INSC: variants seen among roughly 807,000 people sequenced by gnomAD.
The protein encoded by INSC is protein inscuteable homolog.
INSC carries 67 observed loss-of-function variants against 58.6 expected under a neutral mutation model. That is an observed-to-expected ratio of 1.14 (90% CI 0.94 to 1.40). The LOEUF is 1.40. Ranked by LOEUF, INSC falls within the 40% of genes most tolerant of loss-of-function variation. The pLI is 0.00. For missense variants in INSC, 714 were observed against 692.0 expected (o/e 1.03, Z -0.36); for synonymous variants, 262 against 276.1 (o/e 0.95, Z 0.51).
chr11:15,269,449 C>T, the INSC span, among the ~76,000 whole-genome samples: 2 of 151,954 alleles, frequency 1.3e-5, no homozygotes, highest in African/African-American at 4.8e-5. Context: ...CGCCATTTTC[C>T]AGAGGACAGT....
intron 1 of INSC, among the ~76,000 whole-genome samples, chr11:15,131,705 A>G (rs1848129528): frequency 6.6e-6 from 1 of 152,178 alleles, no homozygotes; most frequent in African/African-American, 2.4e-5. Flanking sequence ...ATTTTTATAT[A>G]GTGAATCTCT....
intron 2 of INSC, among the ~76,000 whole-genome samples, chr11:15,174,144 C>T (rs891268539): frequency 1.6e-4 from 25 of 151,850 alleles, no homozygotes; most frequent in African/African-American, 5.8e-4. Flanking sequence ...CTTGCTATTC[C>T]TTGCACATCT....
intron 1 of INSC, among the ~76,000 whole-genome samples, chr11:15,118,939 A>C (rs1314196165): frequency 6.6e-6 from 1 of 152,208 alleles, no homozygotes; most frequent in Non-Finnish European, 1.5e-5. Context: ...GACTATTTTA[A>C]ATATAAGGAA....
At chr11:15,149,857 A>G (rs1383818672) in intron 2 of INSC, among the ~76,000 whole-genome samples, 1 of 152,098 alleles carries the variant, frequency 6.6e-6, no homozygotes, top group Non-Finnish European at 1.5e-5. Flanking sequence ...CCCACTTGCA[A>G]CCTCTTCAGA....
intron 1 of INSC, among the ~76,000 whole-genome samples, chr11:15,116,690 G>T (rs1044514340): frequency 6.6e-6 from 1 of 152,032 alleles, no homozygotes; most frequent in Non-Finnish European, 1.5e-5. Context: ...TAGAAAGATG[G>T]TATTGAGCTT....
intron 9 of INSC, among the ~76,000 whole-genome samples, chr11:15,234,560 A>G (rs1489173478): frequency 2.6e-5 from 4 of 152,208 alleles, no homozygotes; most frequent in African/African-American, 9.6e-5. Flanking sequence ...GGGGGGACAC[A>G]GTTTTTGCTT....
At chr11:15,177,276 CAG>C in intron 4 of INSC, 113 bp downstream of exon 4, 1 of 811,134 alleles carries the variant, frequency 1.2e-6, no homozygotes, top group Middle Eastern at 3.2e-4. Flanking sequence ...GTGGTGGTTT[CAG>C]AGTTTCCTTT....
At chr11:15,165,720 G>A (rs991220764) in intron 2 of INSC, among the ~76,000 whole-genome samples, 5 of 152,296 alleles carry the variant, frequency 3.3e-5, no homozygotes, top group East Asian at 3.9e-4. Flanking sequence ...AGTCCAGAGA[G>A]CATGACATTC....
Position 15,241,152 on chromosome 11 carries a change from C to A in INSC, c.1470+629C>A, listed in dbSNP as rs141859905. 9.2e-4 allele frequency among the ~76,000 whole-genome samples: 140 copies of A among 152,226 alleles called. 1 individual carries two copies. Among genetic ancestry groups the A allele is most frequent in the African/African-American group, 3.3e-3 (137 of 41,554 alleles). On this transcript the variant is annotated intron_variant, in intron 12 of 12. Coordinates refer to ENST00000379556, the MANE Select transcript of INSC (RefSeq NM_001042536.3). ...AGTACCAGAGAGAAAATGCATGCTT[C>A]GTCTATATATTCTTCCCTACTAGGT...
At chr11:15,133,428 C>T (rs1236049104) in intron 1 of INSC, among the ~76,000 whole-genome samples, 5 of 152,168 alleles carry the variant, frequency 3.3e-5, no homozygotes, top group African/African-American at 9.7e-5. Context: ...TTTAAATTCT[C>T]TAATCAAGTC....
At chr11:15,126,300 A>G (rs1847993231) in intron 1 of INSC, among the ~76,000 whole-genome samples, 1 of 152,214 alleles carries the variant, frequency 6.6e-6, no homozygotes, top group Admixed American at 6.5e-5. Flanking sequence ...CAGCTCCTAG[A>G]TGCAATGGTG....
intron 6 of INSC, among the ~76,000 whole-genome samples, chr11:15,200,204 C>T (rs146609403): frequency 1.2e-3 from 174 of 149,874 alleles, no homozygotes; most frequent in African/African-American, 4.1e-3. Context: ...CAGGAGTAAA[C>T]GAGTGAAAAT....
chr11:15,218,155 T>A (rs777367559), intron 7 of INSC, among the ~76,000 whole-genome samples: 1 of 152,188 alleles, frequency 6.6e-6, no homozygotes, highest in East Asian at 1.9e-4. Context: ...GGAGAATGCA[T>A]AAATGAATTG....
intron 7 of INSC, among the ~76,000 whole-genome samples, chr11:15,202,186 C>T (rs569124812): frequency 2.0e-5 from 3 of 151,932 alleles, no homozygotes; most frequent in South Asian, 4.2e-4. Flanking sequence ...GGACAGAGTG[C>T]CCGCTTCCCA....
intron 1 of INSC, among the ~76,000 whole-genome samples, chr11:15,147,965 C>G (rs77010552): frequency 4.7e-4 from 72 of 152,284 alleles, no homozygotes; most frequent in African/African-American, 1.7e-3. Context: ...TCTGCATATT[C>G]CTCAGGGAGG....
chr11:15,263,065 AAT>A, the INSC span, among the ~76,000 whole-genome samples: 1 of 147,598 alleles, frequency 6.8e-6, no homozygotes, highest in Non-Finnish European at 1.5e-5. Context: ...GTTAATAAAA[AAT>A]AAAATAATTG....
intron 6 of INSC, among the ~76,000 whole-genome samples, chr11:15,199,354 A>T (rs1043884281): frequency 6.6e-6 from 1 of 152,194 alleles, no homozygotes; most frequent in African/African-American, 2.4e-5. Flanking sequence ...ACTCCTCCAG[A>T]GTTGGATATC....
intron 5 of INSC, among the ~76,000 whole-genome samples, chr11:15,182,151 A>T (rs1849802729): frequency 6.6e-6 from 1 of 152,164 alleles, no homozygotes; most frequent in South Asian, 2.1e-4. Flanking sequence ...GATACATAAT[A>T]CTATCACAGC....
At chr11:15,190,237 G>GA (rs1452215915) in intron 5 of INSC, among the ~76,000 whole-genome samples, 1 of 152,154 alleles carries the variant, frequency 6.6e-6, no homozygotes, top group Admixed American at 6.5e-5. Context: ...CTTAACCCTT[G>GA]AACCCATCAC....
Sources: gnomAD v4.1 joint callset for allele counts (sites outside exome capture counted in the v4.1 genomes callset) on GRCh38, gnomAD v4.1.1 for gene constraint, MANE v1.5 for transcripts, NCBI Gene and HGNC (gene_info 2026-07-23, HGNC 2026-07-21) for gene names.